TSC22D1: variants seen among roughly 807,000 people sequenced by gnomAD.
TSC22D1 encodes the protein TSC22 domain family protein 1.
A neutral mutation model predicts 74.2 loss-of-function variants in TSC22D1; 9 were observed. That is an observed-to-expected ratio of 0.12 (90% CI 0.07 to 0.21). TSC22D1 has a LOEUF of 0.21. Among genes scored for constraint, TSC22D1 ranks in the 10% least tolerant of loss-of-function variants. TSC22D1 has a pLI of 1.00. For synonymous variants in TSC22D1, 586 were observed against 492.5 expected (o/e 1.19, Z -2.51); for missense variants, 1,427 against 1,304.7 (o/e 1.09, Z -1.44).
At chr13:44,440,295 G>A (rs539597473) in intron 1 of TSC22D1, among the ~76,000 whole-genome samples, 2 of 152,260 alleles carry the variant, frequency 1.3e-5, no homozygotes, top group African/African-American at 2.4e-5. Flanking sequence ...AACAGTGGCC[G>A]GGCGCGAGCG....
At chr13:44,447,986 A>G (rs1375372974) in intron 1 of TSC22D1, among the ~76,000 whole-genome samples, 1 of 152,016 alleles carries the variant, frequency 6.6e-6, no homozygotes, top group Non-Finnish European at 1.5e-5. Flanking sequence ...CTTCATGAAA[A>G]TAATAAGCAT....
chr13:44,568,987 AC>A (rs1353399440), intron 1 of TSC22D1, among the ~76,000 whole-genome samples: 4 of 152,156 alleles, frequency 2.6e-5, no homozygotes, highest in African/African-American at 9.7e-5. Flanking sequence ...AAAAAAGGAG[AC>A]CAGGTAGGTA....
chr13:44,441,422 A>G (rs1875192883), intron 1 of TSC22D1, among the ~76,000 whole-genome samples: 1 of 152,230 alleles, frequency 6.6e-6, no homozygotes, highest in African/African-American at 2.4e-5. Context: ...CATAAAATAT[A>G]CATGACCCAT....
At chr13:44,539,688 T>G in intron 1 of TSC22D1, 4 of 1,176,700 alleles carry the variant, frequency 3.4e-6, no homozygotes, top group Non-Finnish European at 3.2e-6. Context: ...ACCCAAGGAG[T>G]TTACCACAGA....
intron 1 of TSC22D1, among the ~76,000 whole-genome samples, chr13:44,536,128 A>C (rs1881117840): frequency 1.3e-5 from 2 of 151,268 alleles, no homozygotes; most frequent in Non-Finnish European, 3.0e-5. Context: ...CCTTTCCCCC[A>C]CCCCCAATAC....
chr13:44,516,532 AT>A (rs1370359669), intron 1 of TSC22D1, among the ~76,000 whole-genome samples: 1 of 152,164 alleles, frequency 6.6e-6, no homozygotes, highest in Non-Finnish European at 1.5e-5. Flanking sequence ...CACCCAGGCC[AT>A]TTTCAAAGCA....
chr13:44,484,689 C>A (rs370989871), intron 1 of TSC22D1, among the ~76,000 whole-genome samples: 1 of 152,132 alleles, frequency 6.6e-6, no homozygotes, highest in Admixed American at 6.5e-5. Context: ...ATAGGCCACA[C>A]CACAGAATAA....
intron 1 of TSC22D1, among the ~76,000 whole-genome samples, chr13:44,468,787 A>G (rs1322279746): frequency 6.7e-6 from 1 of 150,072 alleles, no homozygotes; most frequent in Non-Finnish European, 1.5e-5. Context: ...AATTTATAAT[A>G]TGCTAAATGC....
At chr13:44,525,917 C>G (rs552795095) in intron 1 of TSC22D1, among the ~76,000 whole-genome samples, 1 of 151,658 alleles carries the variant, frequency 6.6e-6, no homozygotes, top group Admixed American at 6.6e-5. Flanking sequence ...GTCTGGACAA[C>G]ATGGCAAAAA....
At chr13:44,502,132 G>A (rs1183711657) in intron 1 of TSC22D1, among the ~76,000 whole-genome samples, 1 of 152,088 alleles carries the variant, frequency 6.6e-6, no homozygotes, top group Admixed American at 6.6e-5. Context: ...CAGGTAATAT[G>A]CTTATTAAGA....
intron 1 of TSC22D1, chr13:44,436,604 C>T (rs1874659635): frequency 6.2e-7 from 1 of 1,611,880 alleles, no homozygotes; most frequent in Admixed American, 1.7e-5. Context: ...TCCATCGCCA[C>T]TGGTCTACAC....
intron 1 of TSC22D1, among the ~76,000 whole-genome samples, chr13:44,551,310 GGTGTGT>G (rs370742852): frequency 0.011 from 1,462 of 132,842 alleles, 27 homozygotes; most frequent in African/African-American, 0.04. Context: ...ATCAGCTGGG[GGTGTGT>G]GTGTGTGTGT....
chr13:44,435,006 T>C, intron 2 of TSC22D1, 123 bp from the exon 3 acceptor site: 1 of 817,438 alleles, frequency 1.2e-6, no homozygotes, highest in South Asian at 1.7e-5. Context: ...TTAAAGTTGG[T>C]TCAATGACAC....
chr13:44,570,062 T>C (rs948877861), intron 1 of TSC22D1, among the ~76,000 whole-genome samples: 19 of 152,326 alleles, frequency 1.2e-4, no homozygotes, highest in African/African-American at 4.6e-4. Flanking sequence ...GAATAGAAGT[T>C]TGACCCATTT....
At chr13:44,566,359 T>C (rs1029047491) in intron 1 of TSC22D1, among the ~76,000 whole-genome samples, 3 of 152,178 alleles carry the variant, frequency 2.0e-5, no homozygotes, top group Non-Finnish European at 4.4e-5. Context: ...ACCAATAAAA[T>C]AGAAAAAAAC....
chr13:44,447,668 T>A (rs557183018), intron 1 of TSC22D1, among the ~76,000 whole-genome samples: 1 of 152,132 alleles, frequency 6.6e-6, no homozygotes, highest in African/African-American at 2.4e-5. Context: ...CCTCTGTAAA[T>A]ACATTTTTTC....
chr13:44,433,470 A>G lies in TSC22D1; in HGVS notation c.*1156T>C, dbSNP rs748478754. On this transcript the variant is annotated 3_prime_UTR_variant, in exon 3 of 3. Transcript: ENST00000458659. ...CAAATTGTTAACTTTACCTGGAAAC[A>G]GTTGTGGAAATGACTGCCATTATGT... 3.3e-5 allele frequency: 5 copies of G among 152,356 alleles called. No individual in the cohort carries two copies. Among genetic ancestry groups the G allele is most frequent in the Non-Finnish European group, 7.3e-5 (5 of 68,142 alleles). The allele number at this position is 152,356 out of a possible 1,614,324, so 9.4% of individuals were successfully genotyped here.
At chr13:44,552,555 T>C (rs534893344) in intron 1 of TSC22D1, among the ~76,000 whole-genome samples, 1 of 152,192 alleles carries the variant, frequency 6.6e-6, no homozygotes, top group Non-Finnish European at 1.5e-5. Context: ...CAGGGCCAAT[T>C]AAAAGAGCCT....
At chr13:44,466,723 T>C (rs984611532) in intron 1 of TSC22D1, among the ~76,000 whole-genome samples, 2 of 151,396 alleles carry the variant, frequency 1.3e-5, no homozygotes, top group Non-Finnish European at 2.9e-5. Flanking sequence ...TGAGCTGAGA[T>C]CATACCACTG....
Sources: gnomAD v4.1 joint callset for allele counts (sites outside exome capture counted in the v4.1 genomes callset) on GRCh38, gnomAD v4.1.1 for gene constraint, MANE v1.5 for transcripts, NCBI Gene and HGNC (gene_info 2026-07-23, HGNC 2026-07-21) for gene names.